Variants in SMG1 observed in about 807,000 individuals in gnomAD.
The protein encoded by SMG1 is serine/threonine-protein kinase SMG1.
Under a neutral mutation model 419.9 loss-of-function variants are expected in SMG1, and 22 were observed. The ratio of observed to expected loss-of-function variants is 0.05; its 90% CI spans 0.04 to 0.07. SMG1 has a LOEUF of 0.07. Ranked by LOEUF, SMG1 falls within the 10% of genes least tolerant of loss-of-function variation. The pLI, the probability that SMG1 is intolerant of heterozygous loss-of-function variation, is 1.00. For synonymous variants in SMG1, 1,538 were observed against 1,553.5 expected, an observed-to-expected ratio of 0.99 and a Z score of 0.23; for missense variants, 3,185 against 4,342.0, an observed-to-expected ratio of 0.73 and a Z score of 7.49.
intron 33 of SMG1, among the ~76,000 whole-genome samples, chr16:18,851,261 G>C (rs961535940): frequency 1.3e-5 from 2 of 152,236 alleles, no homozygotes; most frequent in African/African-American, 4.8e-5. Context: ...TTTGAGGACT[G>C]CAACTAAATA....
At position 18,816,508 on chromosome 16, in the gene SMG1, T is replaced by G; in HGVS notation, c.10096A>C (p.Ile3366Leu). Residue 3366 changes from isoleucine to leucine, a missense_variant, in exon 58 of 63, where the codon ATT becomes CTT. This residue lies in a region of SMG1 where 737 missense variants were observed against 846.6 expected (regional missense o/e 0.87). Coordinates refer to ENST00000446231, the MANE Select transcript of SMG1 (RefSeq NM_015092.5). ...GACAAAAGCCATTCAGAGCTGCCAA[T>G]AGGATGTTCAAGACCAGTGTCCTAA... ...QRVDTGLEHPIGSSEWLLSAH... is the reference protein window; with the variant it reads ...QRVDTGLEHPLGSSEWLLSAH... 2 of 1,613,976 alleles carry G rather than the reference T, an allele frequency of 1.2e-6. No homozygotes were observed. Among genetic ancestry groups the G allele is most frequent in the Non-Finnish European group, 1.7e-6 (2 of 1,179,858 alleles).
chr16:18,901,365 T>G (rs1024961771), intron 1 of SMG1, among the ~76,000 whole-genome samples: 2 of 151,980 alleles, frequency 1.3e-5, no homozygotes, highest in Non-Finnish European at 2.9e-5. Context: ...GCCACCCCAT[T>G]TAGCTAATTT....
chr16:18,922,267 T>C (rs977233502), intron 1 of SMG1, among the ~76,000 whole-genome samples: 1 of 152,158 alleles, frequency 6.6e-6, no homozygotes, highest in African/African-American at 2.4e-5. Context: ...CTATTGGCAA[T>C]GATAGGTCAT....
chr16:18,897,741 AAC>A (rs2037190033), intron 1 of SMG1, among the ~76,000 whole-genome samples: 1 of 152,100 alleles, frequency 6.6e-6, no homozygotes. Context: ...TCATAAGTAA[AAC>A]AGAGCTGAGT....
At chr16:18,882,818 A>G (rs967796119) in intron 9 of SMG1, among the ~76,000 whole-genome samples, 14 of 152,354 alleles carry the variant, frequency 9.2e-5, no homozygotes, top group African/African-American at 3.1e-4. Flanking sequence ...GAAGTACGAT[A>G]TATGAAAAGG....
At position 18,866,727 on chromosome 16, in the gene SMG1, C is replaced by T. The variant is rs765598514; in HGVS notation, c.3244G>A (p.Glu1082Lys). The T allele has an allele frequency of 5.6e-6, 9 of 1,597,154 alleles. No individual in the cohort carries two copies. In the South Asian group the frequency reaches 9.9e-5, roughly 18 times the overall value. The stretch of plus-strand genomic sequence containing the variant: ...TGTATAGCTTCAGGACAATGAAGTT[C>T]ACATAATGCTTCTACCACCATCATA... The part of the protein sequence containing the change: ...TIMMVVEALC[E>K]LHCPEAIQGI... Residue 1082 changes from glutamate (E) to lysine (K), a missense_variant, in exon 23 of 63, where the codon GAA becomes AAA. Transcript: ENST00000446231.
At chr16:18,812,945 T>C (rs1267844205) in intron 60 of SMG1, among the ~76,000 whole-genome samples, 2 of 152,144 alleles carry the variant, frequency 1.3e-5, no homozygotes, top group East Asian at 1.9e-4. Flanking sequence ...CTGCGATAGT[T>C]TGCTGAGAAT....
intron 1 of SMG1, among the ~76,000 whole-genome samples, chr16:18,921,569 G>A (rs1329758354): frequency 1.3e-5 from 2 of 151,942 alleles, no homozygotes; most frequent in Non-Finnish European, 2.9e-5. Context: ...ATATTAGACT[G>A]GTGTGAAAGT....
intron 9 of SMG1, among the ~76,000 whole-genome samples, chr16:18,882,853 C>G (rs1451102378): frequency 1.3e-5 from 2 of 152,148 alleles, no homozygotes; most frequent in Non-Finnish European, 2.9e-5. Context: ...AACTGGGATA[C>G]TAGAACCAAT....
At chr16:18,836,813 C>T (rs903775125) in intron 46 of SMG1, among the ~76,000 whole-genome samples, 5 of 152,212 alleles carry the variant, frequency 3.3e-5, no homozygotes, top group Admixed American at 1.3e-4. Flanking sequence ...GAGAGCCTCA[C>T]ACAATGCTTG....
At chr16:18,828,571 A>G (rs747182397) in intron 54 of SMG1, among the ~76,000 whole-genome samples, 5 of 152,358 alleles carry the variant, frequency 3.3e-5, no homozygotes, top group Non-Finnish European at 7.3e-5. Context: ...CTAGGCTTCT[A>G]AAAACCATTT....
chr16:18,925,381 G>A (rs1339387377), intron 1 of SMG1: 3 of 152,234 alleles, frequency 2.0e-5, no homozygotes, highest in Non-Finnish European at 4.4e-5. Context: ...GACCAGCGTG[G>A]GTCGATCCCA....
chr16:18,904,063 G>A (rs1417721402), intron 1 of SMG1, among the ~76,000 whole-genome samples: 5 of 145,034 alleles, frequency 3.4e-5, no homozygotes, highest in Admixed American at 7.2e-5. Context: ...TCAGCCTCCC[G>A]AGTAGCTGGA....
intron 11 of SMG1, chr16:18,878,503 G>A (rs1298624751): frequency 6.6e-6 from 1 of 151,792 alleles, no homozygotes; most frequent in Non-Finnish European, 1.5e-5. Flanking sequence ...AGATAGTCGG[G>A]AGGCTGAGTG....
intron 1 of SMG1, among the ~76,000 whole-genome samples, chr16:18,919,548 C>T (rs549394231): frequency 4.7e-4 from 71 of 151,280 alleles, no homozygotes; most frequent in African/African-American, 1.6e-3. Context: ...GGCGTGAACC[C>T]GGGAAGCAGA....
intron 33 of SMG1, among the ~76,000 whole-genome samples, chr16:18,851,817 A>G (rs999654520): frequency 1.5e-4 from 23 of 152,154 alleles, no homozygotes; most frequent in African/African-American, 5.3e-4. Context: ...TGCTGGGATT[A>G]CAGGTGTGAG....
rs572162825 is a variant in SMG1 at position 18,835,834 on chromosome 16, G to A, written c.8057+99C>T. On this transcript the variant is annotated intron_variant, in intron 48 of 62. Transcript: ENST00000446231. ...GAATTGCTTGAACCTCAGAGACGGA[G>A]GTTGCAGTGAGCCAAGATCATGCCA... is the stretch of plus-strand genomic sequence containing the variant. 9 of 1,139,382 alleles carry A rather than the reference G, an allele frequency of 7.9e-6. No homozygotes were observed. In the East Asian group the frequency reaches 2.1e-4, roughly 26 times the overall value. 70.6% of individuals were successfully genotyped at this position (1,139,382 alleles called of 1,614,324 possible). A position where few individuals can be genotyped will look rare whatever the true frequency, so the allele number is the denominator to read the frequency against.
intron 9 of SMG1, among the ~76,000 whole-genome samples, chr16:18,883,379 C>A (rs1417324694): frequency 2.6e-5 from 4 of 152,206 alleles, no homozygotes; most frequent in Admixed American, 2.6e-4. Flanking sequence ...TCAAGATCTC[C>A]TGTACATATG....
rs114729090 is a variant in SMG1, at chr16:18,890,242, G to C, written c.608+621C>G. ...TCTCCAAGCAGTTTCAAATTCTCTA[G>C]TTTACAAAAACTAATTTTATTCATT... On this transcript the variant is annotated intron_variant, in intron 5 of 62. Transcript: ENST00000446231. 4.0e-3 allele frequency among the ~76,000 whole-genome samples: 611 copies of C among 152,288 alleles called. 3 individuals carry two copies. Among genetic ancestry groups the C allele is most frequent in the African/African-American group, 0.014 (573 of 41,546 alleles).
Sources: allele counts gnomAD v4.1 joint callset (sites outside exome capture counted in the v4.1 genomes callset), GRCh38; gene constraint gnomAD v4.1.1; regional missense constraint gnomAD v4.1.1; transcripts MANE v1.5; gene names NCBI Gene and HGNC (gene_info 2026-07-23, HGNC 2026-07-21).